Variants in RNF144A observed in about 807,000 individuals in gnomAD.
The protein encoded by RNF144A is ring finger protein 144A.
RNF144A carries 11 observed loss-of-function variants against 38.7 expected under a neutral mutation model. That is an observed-to-expected ratio of 0.28 (90% CI 0.18 to 0.47). The LOEUF is 0.47. Ranked by LOEUF, RNF144A falls within the 20% of genes least tolerant of loss-of-function variation. The pLI is 0.99. For missense variants in RNF144A, 316 were observed against 377.2 expected (o/e 0.84, Z 1.34); for synonymous variants, 149 against 143.9 (o/e 1.04, Z -0.25).
At chr2:6,993,160 C>T (rs892489841) in intron 2 of RNF144A, among the ~76,000 whole-genome samples, 2 of 152,036 alleles carry the variant, frequency 1.3e-5, no homozygotes, top group African/African-American at 4.8e-5. Flanking sequence ...TAAAATATAT[C>T]CTGTTGTCAC....
chr2:7,025,670 T>C (rs1424697028), intron 7 of RNF144A, among the ~76,000 whole-genome samples: 2 of 152,022 alleles, frequency 1.3e-5, no homozygotes, highest in African/African-American at 4.8e-5. Context: ...AGACTCCATC[T>C]CAAAAAATAA....
intron 6 of RNF144A, among the ~76,000 whole-genome samples, chr2:7,058,606 A>G (rs1176569360): frequency 6.6e-6 from 1 of 152,240 alleles, no homozygotes; most frequent in Non-Finnish European, 1.5e-5. Flanking sequence ...TTTATTAAAC[A>G]TAGCTCTAAT....
intron 2 of RNF144A, among the ~76,000 whole-genome samples, chr2:6,994,496 T>C (rs1669594969): frequency 6.6e-6 from 1 of 152,050 alleles, no homozygotes; most frequent in Non-Finnish European, 1.5e-5. Flanking sequence ...ATGTAGAGAT[T>C]GAAAATGATG....
At chr2:7,024,648 G>A in intron 7 of RNF144A, 132 bp downstream of exon 7, 1 of 1,023,676 alleles carries the variant, frequency 9.8e-7, no homozygotes, top group East Asian at 2.4e-5. Flanking sequence ...AACACCGTTT[G>A]GTGTTTCTCC....
At chr2:7,066,995 G>A (rs747397620) in intron 6 of RNF144A, among the ~76,000 whole-genome samples, 5 of 152,096 alleles carry the variant, frequency 3.3e-5, no homozygotes, top group South Asian at 2.1e-4. Flanking sequence ...TTTTTGCTGC[G>A]TTTATATAAA....
chr2:6,986,528 G>T (rs1668978359), intron 2 of RNF144A, among the ~76,000 whole-genome samples: 1 of 152,202 alleles, frequency 6.6e-6, no homozygotes, highest in Non-Finnish European at 1.5e-5. Flanking sequence ...TGAAGAAACT[G>T]CAGGTGACCA....
At chr2:6,977,968 G>A (rs1668411325) in intron 2 of RNF144A, among the ~76,000 whole-genome samples, 1 of 152,194 alleles carries the variant, frequency 6.6e-6, no homozygotes. Flanking sequence ...GTCACTGGAA[G>A]TTTCCATCTG....
In RNF144A at chr2:6,917,732, C is replaced by A. The variant is rs907549172; in HGVS notation, c.-212+110C>A. On this transcript the variant is annotated intron_variant, in intron 1 of 8. Transcript: ENST00000320892. This position sits in a 1 kb window ranked among gnomAD's most constrained non-coding sequence, Gnocchi z 4.8. ...GGCCTTGGGGCTCGGGGCTTGCGGC[C>A]GCGCCTGCCCCGCTGGGTCCTGCCC... is the stretch of plus-strand genomic sequence containing the variant. The A allele has an allele frequency of 2.0e-5, 3 of 148,670 alleles. No homozygotes were observed. The highest frequency in any genetic ancestry group is 4.5e-5 in the Non-Finnish European group (3 of 66,798). The allele number at this position is 148,670 out of a possible 1,614,324, so 9.2% of individuals were successfully genotyped here.
intron 2 of RNF144A, among the ~76,000 whole-genome samples, chr2:6,980,686 G>A (rs970284180): frequency 9.9e-5 from 15 of 152,238 alleles, no homozygotes; most frequent in Non-Finnish European, 1.3e-4. Context: ...AGTGCAAGCT[G>A]TTGGTGGATC....
At chr2:7,053,435 G>A (rs1037878464) in intron 6 of RNF144A, among the ~76,000 whole-genome samples, 1 of 152,216 alleles carries the variant, frequency 6.6e-6, no homozygotes, top group African/African-American at 2.4e-5. Context: ...AAAGATGTCA[G>A]CTGGGCTGTG....
intron 2 of RNF144A, among the ~76,000 whole-genome samples, chr2:6,955,389 A>G (rs1260418340): frequency 6.6e-6 from 1 of 152,198 alleles, no homozygotes. Flanking sequence ...GAAACCCACA[A>G]GAACATCCTT....
At chr2:6,930,509 A>G (rs1185693586) in intron 1 of RNF144A, among the ~76,000 whole-genome samples, 1 of 152,094 alleles carries the variant, frequency 6.6e-6, no homozygotes, top group East Asian at 1.9e-4. Context: ...CTCACCACAC[A>G]CACACATCTA....
intron 2 of RNF144A, among the ~76,000 whole-genome samples, chr2:6,949,867 A>G (rs1208160623): frequency 1.3e-5 from 2 of 152,214 alleles, no homozygotes; most frequent in Non-Finnish European, 2.9e-5. Flanking sequence ...AAATTATTAA[A>G]CTACAGAGAG....
At chr2:6,994,674 A>G (rs1212840377) in intron 2 of RNF144A, among the ~76,000 whole-genome samples, 2 of 152,148 alleles carry the variant, frequency 1.3e-5, no homozygotes, top group Non-Finnish European at 2.9e-5. Flanking sequence ...TCAAATCATG[A>G]TGCTTGTTTA....
exon 7 of RNF144A, chr2:7,068,242 T>A: frequency 1.5e-6 from 2 of 1,302,728 alleles, no homozygotes; most frequent in Non-Finnish European, 2.0e-6. Context: ...AGAAATGCAT[T>A]CTCCATAATA....
downstream of RNF144A, among the ~76,000 whole-genome samples, chr2:7,068,490 AG>A (rs1234690319): frequency 6.6e-6 from 1 of 152,208 alleles, no homozygotes; most frequent in Non-Finnish European, 1.5e-5. Context: ...AAGCAGAAGA[AG>A]CAGAAAGAGA....
At position 7,042,357 on chromosome 2, in the gene RNF144A, G is replaced by C; in HGVS notation, c.*2597G>C. The C allele has an allele frequency of 3.0e-6, 3 of 985,456 alleles. No homozygotes were observed. Among genetic ancestry groups the C allele is most frequent in the Non-Finnish European group, 3.6e-6 (3 of 829,946 alleles). 61.0% of individuals were successfully genotyped at this position (985,456 alleles called of 1,614,324 possible). A position where few individuals can be genotyped will look rare whatever the true frequency, so the allele number is the denominator to read the frequency against. On this transcript the variant is annotated 3_prime_UTR_variant, in exon 9 of 9. Coordinates refer to ENST00000320892, the MANE Select transcript of RNF144A (RefSeq NM_014746.6). The stretch of plus-strand genomic sequence containing the variant: ...GCGTTGAGTGGACGGACTTATTCCT[G>C]TGAAGCGGCATAATTTGTCTCCATT...
At chr2:6,968,843 T>C (rs924680387) in intron 2 of RNF144A, among the ~76,000 whole-genome samples, 1 of 152,046 alleles carries the variant, frequency 6.6e-6, no homozygotes, top group African/African-American at 2.4e-5. Context: ...GAGCCCACGG[T>C]GTTCTCAGGT....
chr2:6,961,769 A>G (rs1285121446), intron 2 of RNF144A, among the ~76,000 whole-genome samples: 1 of 152,046 alleles, frequency 6.6e-6, no homozygotes, highest in Non-Finnish European at 1.5e-5. Context: ...CAGCATGAAT[A>G]CCCCTTCTTC....
Sources: gnomAD v4.1 joint callset for allele counts (sites outside exome capture counted in the v4.1 genomes callset) on GRCh38, gnomAD v4.1.1 for gene constraint, Gnocchi (gnomAD v3.1) non-coding constraint, MANE v1.5 for transcripts, NCBI Gene and HGNC (gene_info 2026-07-23, HGNC 2026-07-21) for gene names.